The following ANK2 variants were observed in gnomAD, a reference collection of about 807,000 sequenced individuals.
ANK2 encodes ankyrin-2.
ANK2 carries 83 observed loss-of-function variants against 360.5 expected under a neutral mutation model. That is an observed-to-expected ratio of 0.23 (90% CI 0.19 to 0.28). The LOEUF (loss-of-function observed/expected upper bound fraction) is 0.28. Ranked by LOEUF, ANK2 falls within the 10% of genes least tolerant of loss-of-function variation. The probability of loss-of-function intolerance (pLI) is 1.00; values close to 1 mark genes in which losing one functional copy is unlikely to be tolerated. For synonymous variants in ANK2, 1,740 were observed against 1,759.5 expected (o/e 0.99, Z 0.28); for missense variants, 4,201 against 4,795.7 (o/e 0.88, Z 3.66).
intron 1 of ANK2, among the ~76,000 whole-genome samples, chr4:113,093,073 A>G (rs1336077250): frequency 2.0e-5 from 3 of 152,226 alleles, no homozygotes; most frequent in Admixed American, 2.0e-4. Flanking sequence ...ATATTATATA[A>G]GAATATAAAA....
At chr4:112,825,665 C>A (rs770225255) in intron 1 of ANK2, among the ~76,000 whole-genome samples, 1 of 152,176 alleles carries the variant, frequency 6.6e-6, no homozygotes, top group Non-Finnish European at 1.5e-5. Context: ...CAGAGAAAAT[C>A]ATAAACCAAA....
intron 1 of ANK2, among the ~76,000 whole-genome samples, chr4:112,890,944 C>T (rs1383812571): frequency 1.3e-5 from 2 of 152,162 alleles, no homozygotes; most frequent in African/African-American, 4.8e-5. Context: ...AACTCCTTTT[C>T]ATTTACAGTA....
At chr4:112,794,511 A>G in the ANK2 span, among the ~76,000 whole-genome samples, 1 of 152,238 alleles carries the variant, frequency 6.6e-6, no homozygotes, top group Non-Finnish European at 1.5e-5. Context: ...GGTATGATTA[A>G]GTCAAAAAGG....
Position 113,357,116 on chromosome 4 carries a change from A to G in ANK2, c.8498A>G (p.Glu2833Gly). ...EGEELDVSRA[E>G]SPQADCPSES... Reference sequence around the variant, plus strand: ...GAAGAGCTTGATGTTTCTAGAGCAGAATCTCCACAAGCAGATTGCCCCAGT... The same window carrying G: ...GAAGAGCTTGATGTTTCTAGAGCAGGATCTCCACAAGCAGATTGCCCCAGT... Residue 2833 changes from glutamate (E) to glycine (G), a missense_variant, in exon 38 of 46, where the codon GAA (glutamate) becomes GGA (glycine). Glu to Gly is a moderately conservative substitution (Grantham distance 98, BLOSUM62 -2). Coordinates refer to ENST00000357077, the MANE Select transcript of ANK2 (RefSeq NM_001148.6). 1 of 1,614,096 alleles carries G rather than the reference A, an allele frequency of 6.2e-7. No homozygotes were observed. Among genetic ancestry groups the G allele is most frequent in the Non-Finnish European group, 8.5e-7 (1 of 1,179,964 alleles).
chr4:112,746,092 G>T, the ANK2 span, among the ~76,000 whole-genome samples: 1 of 151,692 alleles, frequency 6.6e-6, no homozygotes, highest in Non-Finnish European at 1.5e-5. Context: ...CAATTCTATA[G>T]TGACTCTTAA....
intron 1 of ANK2, among the ~76,000 whole-genome samples, chr4:113,106,659 C>T (rs1351735560): frequency 1.3e-5 from 2 of 152,056 alleles, no homozygotes; most frequent in African/African-American, 4.8e-5. Context: ...TAGTTCCTAC[C>T]GTGTGGTTGT....
chr4:112,760,089 A>G, the ANK2 span, among the ~76,000 whole-genome samples: 4 of 152,096 alleles, frequency 2.6e-5, no homozygotes. Context: ...CCATAAATCA[A>G]TGGTTGACTG....
At chr4:113,002,729 A>C (rs1304458557) in intron 2 of ANK2, among the ~76,000 whole-genome samples, 1 of 152,202 alleles carries the variant, frequency 6.6e-6, no homozygotes, top group Non-Finnish European at 1.5e-5. Flanking sequence ...ATAACACTTC[A>C]ATACCTATGG....
chr4:112,867,487 C>T (rs1478131883), intron 1 of ANK2, among the ~76,000 whole-genome samples: 1 of 151,942 alleles, frequency 6.6e-6, no homozygotes, highest in African/African-American at 2.4e-5. Context: ...CAGAGTTGTA[C>T]AACCACCATT....
In ANK2 at chr4:113,374,754, C is replaced by T. The variant is rs538877447; in HGVS notation, c.11859+1305C>T. The T allele has an allele frequency of 2.7e-4, 291 of 1,069,830 alleles. 2 individuals are homozygous for T. The highest frequency in any genetic ancestry group is 5.3e-4 in the Admixed American group (12 of 22,606). 66.3% of individuals were successfully genotyped at this position (1,069,830 alleles called of 1,614,324 possible). ...CAGACATTGTCTATTGTGTGTCCTTCGATCATTAGGTCACTTTGTGTGAGC... is the reference window on the plus strand; with the variant it reads ...CAGACATTGTCTATTGTGTGTCCTTTGATCATTAGGTCACTTTGTGTGAGC... On this transcript the variant is annotated intron_variant, in intron 45 of 45. Transcript: ENST00000357077.
chr4:113,269,315 G>A (rs972154423), intron 14 of ANK2, among the ~76,000 whole-genome samples: 3 of 152,118 alleles, frequency 2.0e-5, no homozygotes, highest in Admixed American at 6.5e-5. Flanking sequence ...CAGGCGCCAC[G>A]GTGGTATGAA....
chr4:113,111,761 A>C (rs2094323322), intron 1 of ANK2, among the ~76,000 whole-genome samples: 1 of 152,234 alleles, frequency 6.6e-6, no homozygotes, highest in Non-Finnish European at 1.5e-5. Flanking sequence ...AGCAGCCCTG[A>C]GAAGCCATTT....
At chr4:112,923,576 T>G (rs80014893) in intron 2 of ANK2, among the ~76,000 whole-genome samples, 1 of 152,236 alleles carries the variant, frequency 6.6e-6, no homozygotes, top group Non-Finnish European at 1.5e-5. Context: ...AAATATGAAT[T>G]AGATATTAAG....
chr4:113,260,912 C>A (rs1393998045), intron 13 of ANK2, among the ~76,000 whole-genome samples: 1 of 152,154 alleles, frequency 6.6e-6, no homozygotes, highest in Non-Finnish European at 1.5e-5. Flanking sequence ...CCTAAAACAC[C>A]CCACCCTTGG....
At chr4:113,310,228 C>T (rs1259441739) in intron 23 of ANK2, among the ~76,000 whole-genome samples, 1 of 152,122 alleles carries the variant, frequency 6.6e-6, no homozygotes, top group African/African-American at 2.4e-5. Flanking sequence ...TATTTATTCC[C>T]TGTGACCATC....
intron 1 of ANK2, among the ~76,000 whole-genome samples, chr4:113,171,502 A>G (rs995219728): frequency 6.6e-6 from 1 of 152,212 alleles, no homozygotes; most frequent in African/African-American, 2.4e-5. Flanking sequence ...TTTTATGATA[A>G]TATTTCCATT....
At chr4:113,081,079 C>G (rs1480767959) in intron 1 of ANK2, among the ~76,000 whole-genome samples, 7 of 152,196 alleles carry the variant, frequency 4.6e-5, no homozygotes, top group African/African-American at 1.7e-4. Flanking sequence ...TTATTCTTAT[C>G]AGACTCCAGA....
intron 1 of ANK2, among the ~76,000 whole-genome samples, chr4:113,161,691 G>C (rs1583439161): frequency 7.1e-6 from 1 of 140,500 alleles, no homozygotes; most frequent in East Asian, 2.0e-4. Context: ...TTTTGTTTTA[G>C]TCTCGTGTGT....
intron 1 of ANK2, among the ~76,000 whole-genome samples, chr4:113,138,951 C>G (rs1015073513): frequency 2.6e-5 from 4 of 151,950 alleles, no homozygotes; most frequent in African/African-American, 9.7e-5. Context: ...TATTTTCTAC[C>G]CTTAGTCATG....
Sources: allele counts gnomAD v4.1 joint callset (sites outside exome capture counted in the v4.1 genomes callset), GRCh38; gene constraint gnomAD v4.1.1; transcripts MANE v1.5; gene names NCBI Gene and HGNC (gene_info 2026-07-23, HGNC 2026-07-21).